The following TRPM5 variants were observed in gnomAD, a reference collection of about 807,000 sequenced individuals.
The protein encoded by TRPM5 is transient receptor potential cation channel subfamily M member 5, also known as MLSN1 and TRP-related.
Under a neutral mutation model 124.9 loss-of-function variants are expected in TRPM5, and 121 were observed. The ratio of observed to expected loss-of-function variants is 0.97; its 90% CI spans 0.84 to 1.13. The LOEUF (loss-of-function observed/expected upper bound fraction) is 1.13. Ranked by LOEUF, TRPM5 falls within the 50% of genes most tolerant of loss-of-function variation. The pLI is 0.00. For missense variants in TRPM5, 1,643 were observed against 1,589.1 expected, an observed-to-expected ratio of 1.03 and a Z score of -0.58; for synonymous variants, 781 against 700.5, an observed-to-expected ratio of 1.11 and a Z score of -1.81.
At chr11:2,407,871 C>T in exon 19 of TRPM5, 3 of 1,613,936 alleles carry the variant, frequency 1.9e-6, no homozygotes, top group East Asian at 2.2e-5. Context: ...GATGGTGAGT[C>T]CTCCAGCAGC....
At chr11:2,412,049 C>T (rs769373018) in intron 16 of TRPM5, 86 bp downstream of exon 21, 104 of 1,211,646 alleles carry the variant, frequency 8.6e-5, no homozygotes, top group Non-Finnish European at 1.2e-4. Context: ...CCACAAGTGC[C>T]ACCGCCACAC....
At chr11:2,421,246 C>T (rs776461176) in intron 2 of TRPM5, 48 bp from the exon 8 acceptor site, 6 of 1,509,726 alleles carry the variant, frequency 4.0e-6, no homozygotes, top group African/African-American at 2.8e-5. Flanking sequence ...CCCAGGTCTT[C>T]CCTAGCTGGC....
chr11:2,414,734 T>C (rs1420914289), exon 11 of TRPM5: 7 of 1,543,202 alleles, frequency 4.5e-6, no homozygotes, highest in Admixed American at 2.0e-5. Flanking sequence ...GCCGCTCGTA[T>C]TTCGCCTCGC....
chr11:2,440,819 G>C, the TRPM5 span, among the ~76,000 whole-genome samples: 3 of 152,266 alleles, frequency 2.0e-5, no homozygotes, highest in African/African-American at 7.2e-5. This position sits in a 1 kb window ranked among gnomAD's most constrained non-coding sequence, Gnocchi z 5.2. Flanking sequence ...CAGGAAGCCT[G>C]TGGTGGCCTG....
upstream of TRPM5, among the ~76,000 whole-genome samples, chr11:2,427,912 C>A (rs150594613): frequency 6.6e-6 from 1 of 152,136 alleles, no homozygotes; most frequent in Non-Finnish European, 1.5e-5. Flanking sequence ...TGTGGCCCTG[C>A]GAGGCCGTGG....
At position 2,405,979 on chromosome 11, in the gene TRPM5, C is replaced by T. The variant is rs574483008; in HGVS notation, c.3324+40G>A. 5.6e-5 allele frequency: 88 copies of T among 1,565,212 alleles called. 3 individuals are homozygous for T. The South Asian group carries it at 9.6e-4, about 17-fold the overall frequency. On this transcript the variant is annotated intron_variant, in intron 22 of 23. Coordinates refer to ENST00000155858, the Ensembl canonical transcript of TRPM5. The stretch of plus-strand genomic sequence containing the variant: ...CATCCCAGTAGCCCCACGCAGCCAC[C>T]CGCCTCCCATCAGGGAGAGGAGCTC...
intron 22 of TRPM5, 88 bp from the exon 28 acceptor site, chr11:2,405,681 A>G: frequency 1.4e-6 from 2 of 1,410,770 alleles, no homozygotes; most frequent in Non-Finnish European, 1.9e-6. Context: ...CTCTCCTGCC[A>G]GGGCCCCCGC....
intron 22 of TRPM5, 106 bp from the exon 28 acceptor site, chr11:2,405,699 TGACTCCTCCCTC>T (rs1850304774): frequency 8.0e-7 from 1 of 1,250,150 alleles, no homozygotes; most frequent in African/African-American, 1.5e-5. Flanking sequence ...CGCTGCCCTG[TGACTCCTCCCTC>T]TGAGAGCTGC....
At chr11:2,418,671 A>G in intron 4 of TRPM5, 80 bp from the exon 10 acceptor site, 1 of 1,427,678 alleles carries the variant, frequency 7.0e-7, no homozygotes, top group South Asian at 1.3e-5. Context: ...AGGCCACCAC[A>G]TTTTCTGGCC....
At chr11:2,431,239 C>A in the TRPM5 span, among the ~76,000 whole-genome samples, 2 of 152,052 alleles carry the variant, frequency 1.3e-5, no homozygotes, top group Non-Finnish European at 2.9e-5. Context: ...GACCAGGGAC[C>A]CCACAAGCCC....
At chr11:2,405,917 C>T in intron 22 of TRPM5, 102 bp downstream of exon 27, 1 of 1,118,812 alleles carries the variant, frequency 8.9e-7, no homozygotes, top group Non-Finnish European at 1.3e-6. Context: ...CTCTGGCCTG[C>T]CTCATCTCTG....
At chr11:2,441,544 T>G in the TRPM5 span, among the ~76,000 whole-genome samples, 1 of 152,032 alleles carries the variant, frequency 6.6e-6, no homozygotes, top group Non-Finnish European at 1.5e-5. The surrounding 1 kb of genome is among the most constrained non-coding windows in gnomAD (Gnocchi z 7.2). Context: ...GCAGGGAGCT[T>G]GAAGACAATC....
At position 2,405,529 on chromosome 11, in the gene TRPM5, C is replaced by CG; in HGVS notation, c.3388dup (p.Arg1130ProfsTer16). 1 of 1,558,494 alleles carries CG rather than the reference C, an allele frequency of 6.4e-7. No individual in the cohort carries two copies. ...CCACGCTCCCCAAACAGGCTTACTC[C>CG]GGGGGCCGCCACCCTGGGCCAGCAC... is the stretch of plus-strand genomic sequence containing the variant. On this transcript the variant is annotated frameshift_variant, in exon 23 of 24. Transcript: ENST00000155858. LOFTEE classifies it low-confidence loss of function (END_TRUNC).
chr11:2,409,510 C>T (rs898106665), intron 18 of TRPM5, among the ~76,000 whole-genome samples: 20 of 152,208 alleles, frequency 1.3e-4, no homozygotes, highest in South Asian at 2.1e-4. Context: ...ACCCCAGCTC[C>T]GGCTCGGCAC....
exon 2 of TRPM5, chr11:2,422,175 C>T: frequency 1.9e-6 from 3 of 1,611,656 alleles, no homozygotes; most frequent in South Asian, 1.1e-5. Context: ...GCCCCTTGCG[C>T]AGCACATCCC....
At chr11:2,420,244 C>T (rs780731191) in exon 4 of TRPM5, 52 of 1,607,400 alleles carry the variant, frequency 3.2e-5, no homozygotes, top group East Asian at 1.1e-4. Flanking sequence ...CCCTCTGCTC[C>T]GAGATGTGCT....
chr11:2,423,056 G>A, upstream of TRPM5: 1 of 1,594,612 alleles, frequency 6.3e-7, no homozygotes, highest in South Asian at 1.1e-5. Flanking sequence ...TAGAGCTGCA[G>A]GGATACCCTG....
At chr11:2,442,961 T>G in the TRPM5 span, among the ~76,000 whole-genome samples, 5 of 152,250 alleles carry the variant, frequency 3.3e-5, no homozygotes, top group Non-Finnish European at 5.9e-5. The surrounding 1 kb of genome is among the most constrained non-coding windows in gnomAD (Gnocchi z 5.9). Flanking sequence ...TCAGTGATAT[T>G]AATCCTTTGT....
intron 19 of TRPM5, 34 bp downstream of exon 24, chr11:2,407,725 A>C: frequency 6.2e-7 from 1 of 1,609,664 alleles, no homozygotes; most frequent in East Asian, 2.2e-5. Context: ...CCTCCGCTCC[A>C]GGGCTCTCTC....
Sources: allele counts gnomAD v4.1 joint callset (sites outside exome capture counted in the v4.1 genomes callset), GRCh38; gene constraint gnomAD v4.1.1; non-coding constraint Gnocchi (gnomAD v3.1); transcripts MANE v1.5; gene names NCBI Gene and HGNC (gene_info 2026-07-23, HGNC 2026-07-21).